Variants in PCP4L1 observed in about 807,000 individuals in gnomAD.
The protein encoded by PCP4L1 is Purkinje cell protein 4-like protein 1.
PCP4L1 carries 9 observed loss-of-function variants against 9.6 expected under a neutral mutation model. The observed-to-expected ratio is 0.94, with a 90% CI of 0.57 to 1.64. The LOEUF is 1.64. Among genes scored for constraint, PCP4L1 ranks in the 40% most tolerant of loss-of-function variants. PCP4L1 has a pLI of 0.00. For missense variants in PCP4L1, 81 were observed against 80.8 expected (o/e 1.00, Z -0.01); for synonymous variants, 31 against 28.2 (o/e 1.10, Z -0.31).
chr1:161,273,161 A>G (rs998297278), intron 1 of PCP4L1, among the ~76,000 whole-genome samples: 2 of 152,220 alleles, frequency 1.3e-5, no homozygotes, highest in African/African-American at 4.8e-5. Flanking sequence ...GATGGAATGG[A>G]ACACTGGTAC....
At chr1:161,273,585 C>G (rs1446217167) in intron 1 of PCP4L1, among the ~76,000 whole-genome samples, 1 of 152,182 alleles carries the variant, frequency 6.6e-6, no homozygotes, top group Non-Finnish European at 1.5e-5. Context: ...TGATCCTACA[C>G]ATGGAATTCT....
At chr1:161,271,660 C>T (rs770883461) in intron 1 of PCP4L1, among the ~76,000 whole-genome samples, 28 of 152,022 alleles carry the variant, frequency 1.8e-4, no homozygotes, top group Non-Finnish European at 3.5e-4. Flanking sequence ...CGTGCCATGA[C>T]GCCCGGCTAA....
chr1:161,279,577 G>A (rs923635745), intron 1 of PCP4L1, among the ~76,000 whole-genome samples: 7 of 152,226 alleles, frequency 4.6e-5, no homozygotes, highest in African/African-American at 1.7e-4. Flanking sequence ...TCATTCAACA[G>A]AGGTCTGCAT....
At chr1:161,281,370 T>C (rs374699240) in intron 1 of PCP4L1, among the ~76,000 whole-genome samples, 13 of 152,084 alleles carry the variant, frequency 8.5e-5, no homozygotes, top group African/African-American at 2.4e-4. Context: ...ACCTCCCAGA[T>C]GGGGTGGTGG....
chr1:161,282,372 GCGTGGAAAGAGAGGGAGAGGGAGAC>G (rs200637183), intron 1 of PCP4L1, among the ~76,000 whole-genome samples: 4,337 of 149,950 alleles, frequency 0.029, 224 homozygotes, highest in East Asian at 0.26. Flanking sequence ...CAGAGGGAGA[GCGTGGAAAGAGAGGGAGAGGGAGAC>G]CGTGGGGAGA....
Position 161,262,317 on chromosome 1 carries a change from C to T in PCP4L1, c.9+3334C>T, listed in dbSNP as rs375052343. On this transcript the variant is annotated intron_variant, in intron 1 of 2. Transcript: ENST00000504449. ...GGCATGGTGGCAGGCGCCTGTAGTC[C>T]CAGCTACTCGGGAGGCTGAGGCAGG... Among the ~76,000 whole-genome samples, 53 of 151,644 alleles carry T rather than the reference C, an allele frequency of 3.5e-4. No homozygotes were observed. In the East Asian group the frequency reaches 6.4e-3, roughly 18 times the overall value.
At chr1:161,270,598 G>A (rs1206328235) in intron 1 of PCP4L1, among the ~76,000 whole-genome samples, 1 of 135,830 alleles carries the variant, frequency 7.4e-6, no homozygotes, top group African/African-American at 2.8e-5. Flanking sequence ...CCCAGGCTAG[G>A]CGCAGTGGCT....
chr1:161,278,501 T>C (rs1669739947), intron 1 of PCP4L1, among the ~76,000 whole-genome samples: 1 of 151,992 alleles, frequency 6.6e-6, no homozygotes, highest in Non-Finnish European at 1.5e-5. Flanking sequence ...ACTCCTGGGC[T>C]CAAGTGATCC....
At chr1:161,283,896 T>G (rs1669864299) in intron 2 of PCP4L1, among the ~76,000 whole-genome samples, 174 bp downstream of exon 2, 1 of 74,672 alleles carries the variant, frequency 1.3e-5, no homozygotes, top group Non-Finnish European at 2.7e-5. Context: ...TTCCTTCTAT[T>G]TTTCCTAGAA....
At chr1:161,264,631 C>T (rs552517291) in intron 1 of PCP4L1, among the ~76,000 whole-genome samples, 6 of 152,114 alleles carry the variant, frequency 3.9e-5, no homozygotes, top group Non-Finnish European at 5.9e-5. Flanking sequence ...GAGTTTGAGA[C>T]GAGCCTGGGC....
At chr1:161,273,604 G>A (rs1380396459) in intron 1 of PCP4L1, among the ~76,000 whole-genome samples, 1 of 152,190 alleles carries the variant, frequency 6.6e-6, no homozygotes, top group Non-Finnish European at 1.5e-5. Flanking sequence ...CTCAGACTCT[G>A]AAGGGCTGGG....
chr1:161,282,206 G>C (rs1669832949), intron 1 of PCP4L1, among the ~76,000 whole-genome samples: 1 of 145,472 alleles, frequency 6.9e-6, no homozygotes, highest in African/African-American at 2.5e-5. Flanking sequence ...CCAACACAGC[G>C]AAACCCTGTC....
At chr1:161,271,304 G>A (rs1275196866) in intron 1 of PCP4L1, among the ~76,000 whole-genome samples, 1 of 152,116 alleles carries the variant, frequency 6.6e-6, no homozygotes, top group Non-Finnish European at 1.5e-5. Flanking sequence ...AAATGATGAT[G>A]ATGTTATATA....
chr1:161,278,588 A>C (rs894793412), intron 1 of PCP4L1, among the ~76,000 whole-genome samples: 7 of 151,326 alleles, frequency 4.6e-5, no homozygotes, highest in African/African-American at 1.7e-4. Flanking sequence ...TTTTCTACCC[A>C]TCTGTCAGAA....
At chr1:161,283,764 G>T (rs890736158) in intron 2 of PCP4L1, 42 bp downstream of exon 2, 1 of 1,560,254 alleles carries the variant, frequency 6.4e-7, no homozygotes, top group Non-Finnish European at 8.7e-7. Flanking sequence ...GCAGGTGACT[G>T]TAGAGACATA....
intron 1 of PCP4L1, among the ~76,000 whole-genome samples, chr1:161,265,191 C>G (rs1041006210): frequency 1.3e-5 from 2 of 152,122 alleles, no homozygotes; most frequent in Non-Finnish European, 2.9e-5. Context: ...AGTCCTCTTT[C>G]GTTTGGCCGT....
At chr1:161,263,342 A>G (rs901352929) in intron 1 of PCP4L1, among the ~76,000 whole-genome samples, 2 of 152,082 alleles carry the variant, frequency 1.3e-5, no homozygotes, top group African/African-American at 4.8e-5. Flanking sequence ...GGTTCATGCA[A>G]TTCTCCTGCC....
At chr1:161,263,363 A>G (rs1669452818) in intron 1 of PCP4L1, among the ~76,000 whole-genome samples, 1 of 151,834 alleles carries the variant, frequency 6.6e-6, no homozygotes, top group Non-Finnish European at 1.5e-5. Flanking sequence ...TCAGCCTCCC[A>G]AGTAGCTGGG....
chr1:161,281,792 CGGCGG>C lies in PCP4L1; in HGVS notation c.10-1872_10-1868del, dbSNP rs1669816571. Among the ~76,000 whole-genome samples, 5 of 17,710 alleles carry C rather than the reference CGGCGG, an allele frequency of 2.8e-4. No individual in the cohort carries two copies. The South Asian group carries it at 6.8e-3, about 24-fold the overall frequency. 11.6% of individuals were successfully genotyped at this position (17,710 alleles called of 152,430 possible). A position where few individuals can be genotyped will look rare whatever the true frequency, so the allele number is the denominator to read the frequency against. On this transcript the variant is annotated intron_variant, in intron 1 of 2. Transcript: ENST00000504449. The stretch of plus-strand genomic sequence containing the variant: ...GGCGCTCCTCACATCCCGGACGGGG[CGGCGG>C]GGCAGAGGCGCTCCTCACATCCCGG...
Sources: gnomAD v4.1 joint callset for allele counts (sites outside exome capture counted in the v4.1 genomes callset) on GRCh38, gnomAD v4.1.1 for gene constraint, MANE v1.5 for transcripts, NCBI Gene and HGNC (gene_info 2026-07-23, HGNC 2026-07-21) for gene names.